Variants in CEP350 observed in about 807,000 individuals in gnomAD.
CEP350 encodes centrosome-associated protein 350.
CEP350 carries 126 observed loss-of-function variants against 331.8 expected under a neutral mutation model. The ratio of observed to expected loss-of-function variants is 0.38; its 90% CI spans 0.33 to 0.44. The LOEUF (loss-of-function observed/expected upper bound fraction) is 0.44. CEP350 is among the 20% of genes least tolerant of loss of function. The pLI is 1.00. For missense variants in CEP350, 3,406 were observed against 3,634.6 expected (o/e 0.94, Z 1.62); for synonymous variants, 1,200 against 1,259.5 (o/e 0.95, Z 1.00).
chr1:179,968,847 C>G, intron 1 of CEP350: 2 of 725,674 alleles, frequency 2.8e-6, no homozygotes, highest in Non-Finnish European at 5.1e-6. Flanking sequence ...CCATTGTTAC[C>G]TTTGAAAACC....
At chr1:180,033,550 T>C (rs141240285) in intron 15 of CEP350, among the ~76,000 whole-genome samples, 2 of 152,328 alleles carry the variant, frequency 1.3e-5, no homozygotes, top group Non-Finnish European at 2.9e-5. Context: ...CTTCATGCTA[T>C]AATGAGTGAA....
chr1:180,109,892 C>T (rs1055329366), intron 37 of CEP350, among the ~76,000 whole-genome samples: 1 of 152,142 alleles, frequency 6.6e-6, no homozygotes, highest in African/African-American at 2.4e-5. Flanking sequence ...GCCTAGGCCT[C>T]CTGAAGTGCT....
intron 1 of CEP350, among the ~76,000 whole-genome samples, chr1:179,965,610 C>G (rs796213385): frequency 1.1e-5 from 1 of 91,966 alleles, no homozygotes; most frequent in Non-Finnish European, 2.3e-5. Context: ...TTTTCTTTTT[C>G]TTTTCTTTTT....
In CEP350 at chr1:180,003,119, C is replaced by T. The variant is rs1354493764; in HGVS notation, c.1019-55C>T. On this transcript the variant is annotated intron_variant, in intron 6 of 37. Transcript: ENST00000367607. ...ATATCACTTTAAAAAGTATAACAAACAAAACTTATAAAGCAACTTTGATAA... is the reference window on the plus strand; with the variant it reads ...ATATCACTTTAAAAAGTATAACAAATAAAACTTATAAAGCAACTTTGATAA... 5 of 1,186,506 alleles carry T rather than the reference C, an allele frequency of 4.2e-6. No individual in the cohort carries two copies. In the East Asian group the frequency reaches 1.2e-4, roughly 29 times the overall value. The allele number at this position is 1,186,506 out of a possible 1,614,324, so 73.5% of individuals were successfully genotyped here.
chr1:180,093,711 G>A lies in CEP350; in HGVS notation c.7606G>A (p.Gly2536Arg). 7 of 1,613,820 alleles carry A rather than the reference G, an allele frequency of 4.3e-6. No homozygotes were observed. The highest frequency in any genetic ancestry group is 5.9e-6 in the Non-Finnish European group (7 of 1,179,836). ...WAGVELDKPE[G>R]NNNGTYDGIA... is the part of the protein sequence containing the mutation. ...CGGAGTGGAGTTAGATAAACCTGAAGGAAATAACAATGGAACATATGATGG... is the reference window on the plus strand; with the variant it reads ...CGGAGTGGAGTTAGATAAACCTGAAAGAAATAACAATGGAACATATGATGG... The change falls in exon 34 of 38, where the codon GGA becomes AGA. Residue 2536 changes from glycine (G) to arginine (R), a missense_variant. Around this residue, in one of 5 missense-constraint regions of CEP350, gnomAD observed 1,415 missense variants for 1,512.3 expected, o/e 0.94. Coordinates refer to ENST00000367607, the MANE Select transcript of CEP350 (RefSeq NM_014810.5).
intron 17 of CEP350, among the ~76,000 whole-genome samples, chr1:180,037,794 T>TGCCC (rs1169127334): frequency 6.6e-6 from 1 of 152,000 alleles, no homozygotes; most frequent in Non-Finnish European, 1.5e-5. Context: ...GGACTACAGG[T>TGCCC]GCCCGCCACA....
At chr1:180,013,822 A>G (rs760058743) in intron 9 of CEP350, 25 bp from the exon 10 acceptor site, 39 of 1,568,654 alleles carry the variant, frequency 2.5e-5, no homozygotes, top group Non-Finnish European at 3.3e-5. Flanking sequence ...ATTTCGGTAT[A>G]TCACTAACAG....
intron 8 of CEP350, among the ~76,000 whole-genome samples, chr1:180,007,428 A>G (rs1008084590): frequency 6.6e-6 from 1 of 152,076 alleles, no homozygotes; most frequent in Admixed American, 6.6e-5. Context: ...GTCTGTTCAT[A>G]TACTTTGCCC....
chr1:180,057,920 T>C (rs1657960128), intron 25 of CEP350, among the ~76,000 whole-genome samples: 1 of 152,216 alleles, frequency 6.6e-6, no homozygotes, highest in African/African-American at 2.4e-5. Context: ...TAGCCCTCTA[T>C]GTGCTACTTC....
intron 23 of CEP350, 35 bp from the exon 24 acceptor site, chr1:180,053,715 A>T: frequency 7.5e-7 from 1 of 1,336,062 alleles, no homozygotes; most frequent in Non-Finnish European, 1.0e-6. Flanking sequence ...AAAAGGTTAG[A>T]TGATGATAAA....
chr1:179,999,458 G>A (rs889716269), intron 6 of CEP350, among the ~76,000 whole-genome samples: 1 of 151,962 alleles, frequency 6.6e-6, no homozygotes, highest in Non-Finnish European at 1.5e-5. Flanking sequence ...TATGGCTTCC[G>A]ATGTCCTAAG....
intron 27 of CEP350, among the ~76,000 whole-genome samples, chr1:180,072,760 A>G (rs1658978237): frequency 6.6e-6 from 1 of 152,214 alleles, no homozygotes; most frequent in South Asian, 2.1e-4. Flanking sequence ...AAGATTATAC[A>G]TAATTTTACA....
intron 27 of CEP350, among the ~76,000 whole-genome samples, chr1:180,066,801 G>T (rs1368402957): frequency 1.3e-5 from 2 of 152,234 alleles, no homozygotes; most frequent in South Asian, 4.1e-4. Context: ...TAGCCTATAT[G>T]GGCGTACTGT....
intron 25 of CEP350, among the ~76,000 whole-genome samples, chr1:180,060,092 C>T (rs935451511): frequency 6.6e-6 from 1 of 152,056 alleles, no homozygotes; most frequent in Non-Finnish European, 1.5e-5. Context: ...TTAAAATGTA[C>T]ACAATCATTG....
intron 27 of CEP350, among the ~76,000 whole-genome samples, chr1:180,072,072 C>T (rs1030163696): frequency 1.3e-5 from 2 of 152,072 alleles, no homozygotes; most frequent in African/African-American, 2.4e-5. Context: ...CTTTATTCAA[C>T]GTTTAAAGAG....
intron 15 of CEP350, among the ~76,000 whole-genome samples, chr1:180,031,771 C>A (rs1174776963): frequency 3.3e-5 from 5 of 152,014 alleles, no homozygotes. Context: ...ATGCTGAATG[C>A]CGTTGTTACA....
At chr1:180,105,834 A>G (rs1661110776) in intron 37 of CEP350, among the ~76,000 whole-genome samples, 1 of 152,330 alleles carries the variant, frequency 6.6e-6, no homozygotes, top group African/African-American at 2.4e-5. Context: ...AAGAAAATGT[A>G]TATTTTAGTT....
At chr1:180,047,380 G>T (rs72710642) in intron 21 of CEP350, among the ~76,000 whole-genome samples, 11,015 of 152,202 alleles carry the variant, frequency 0.072, 530 homozygotes, top group Non-Finnish European at 0.11. Context: ...GAAGGGCAAA[G>T]ATAATGATAC....
chr1:180,014,907 G>A (rs1654875226), intron 10 of CEP350, among the ~76,000 whole-genome samples: 1 of 152,158 alleles, frequency 6.6e-6, no homozygotes. Context: ...TTGACTGGAA[G>A]CCTTATAACA....
Sources: allele counts gnomAD v4.1 joint callset (sites outside exome capture counted in the v4.1 genomes callset), GRCh38; gene constraint gnomAD v4.1.1; regional missense constraint gnomAD v4.1.1; transcripts MANE v1.5; gene names NCBI Gene and HGNC (gene_info 2026-07-23, HGNC 2026-07-21).